RALGPS1: variants seen among roughly 807,000 people sequenced by gnomAD.
RALGPS1 encodes the protein ras-specific guanine nucleotide-releasing factor RalGPS1.
Under a neutral mutation model 78.8 loss-of-function variants are expected in RALGPS1, and 19 were observed. The observed-to-expected ratio is 0.24, with a 90% confidence interval of 0.17 to 0.35. The LOEUF is 0.35. Among genes scored for constraint, RALGPS1 ranks in the 10% least tolerant of loss-of-function variants. The probability of loss-of-function intolerance (pLI) is 1.00; values close to 1 mark genes in which losing one functional copy is unlikely to be tolerated. For missense variants in RALGPS1, 454 were observed against 688.3 expected (o/e 0.66, Z 3.81); for synonymous variants, 228 against 256.3 (o/e 0.89, Z 1.06).
intron 8 of RALGPS1, among the ~76,000 whole-genome samples, chr9:127,079,236 T>A (rs1357064791): frequency 6.6e-6 from 1 of 152,090 alleles, no homozygotes; most frequent in Non-Finnish European, 1.5e-5. Context: ...GTGGATTGAG[T>A]GGACACTGGT....
intron 7 of RALGPS1, among the ~76,000 whole-genome samples, chr9:127,062,997 A>AT (rs2049355439): frequency 6.6e-6 from 1 of 152,240 alleles, no homozygotes; most frequent in South Asian, 2.1e-4. Flanking sequence ...AATTCTTTGC[A>AT]TATCAACAGT....
At chr9:127,171,981 T>C (rs777148921) in intron 10 of RALGPS1, among the ~76,000 whole-genome samples, 1 of 152,220 alleles carries the variant, frequency 6.6e-6, no homozygotes, top group Admixed American at 6.5e-5. Context: ...AACATAAGCA[T>C]GTTCAGGAAT....
chr9:127,131,303 C>T (rs1224007644), intron 8 of RALGPS1, among the ~76,000 whole-genome samples: 4 of 152,220 alleles, frequency 2.6e-5, no homozygotes, highest in African/African-American at 9.7e-5. Context: ...CTAAAGGGCT[C>T]TCCTGTGAGT....
Position 127,212,096 on chromosome 9 carries a change from T to A in RALGPS1, c.1248-35T>A. On this transcript the variant is annotated intron_variant, in intron 14 of 18. Coordinates refer to ENST00000259351, the MANE Select transcript of RALGPS1 (RefSeq NM_014636.3). The surrounding 1 kb of genome is among the most constrained non-coding windows in gnomAD (Gnocchi z 6.0). ...TGAGAGGGTGCTTGACCTCAGCTCC[T>A]CCAGGGCGATGTCTGACTGGTAGTC... 1.3e-6 allele frequency: 2 copies of A among 1,565,964 alleles called. No homozygotes were observed. The highest frequency in any genetic ancestry group is 1.4e-5 in the African/African-American group (1 of 73,684).
chr9:126,978,034 G>T, intron 4 of RALGPS1: 1 of 274,002 alleles, frequency 3.6e-6, no homozygotes, highest in African/African-American at 2.2e-5. Context: ...CTTTTCCCAG[G>T]CTCCTCCTGC....
intron 3 of RALGPS1, among the ~76,000 whole-genome samples, chr9:126,974,534 T>TTC (rs939000622): frequency 1.1e-4 from 11 of 103,590 alleles, no homozygotes; most frequent in African/African-American, 1.6e-4. Flanking sequence ...TGCAAAAAAC[T>TTC]TTTTTTTTTC....
chr9:127,140,927 G>A (rs1211343104), intron 8 of RALGPS1, among the ~76,000 whole-genome samples: 1 of 152,204 alleles, frequency 6.6e-6, no homozygotes, highest in Non-Finnish European at 1.5e-5. Flanking sequence ...AAGGGGGCAG[G>A]GGCAGGCAGC....
chr9:127,059,156 C>A (rs748846280), intron 7 of RALGPS1, among the ~76,000 whole-genome samples: 15 of 152,170 alleles, frequency 9.9e-5, no homozygotes, highest in Non-Finnish European at 1.5e-4. Context: ...AGTTCAAAGT[C>A]TTTCATCCAG....
chr9:127,088,951 G>A (rs1195465010), intron 8 of RALGPS1: 4 of 1,614,228 alleles, frequency 2.5e-6, no homozygotes, highest in Admixed American at 3.3e-5. Context: ...AGTGGAAGGT[G>A]TTGGGGTTCG....
chr9:126,976,555 T>C (rs571545086), intron 3 of RALGPS1, among the ~76,000 whole-genome samples: 1 of 152,266 alleles, frequency 6.6e-6, no homozygotes, highest in South Asian at 2.1e-4. Context: ...TAGGGATTAT[T>C]GTCATCATTT....
chr9:127,022,972 C>T (rs1298050382), intron 4 of RALGPS1, among the ~76,000 whole-genome samples: 1 of 152,220 alleles, frequency 6.6e-6, no homozygotes, highest in Non-Finnish European at 1.5e-5. Context: ...TTTCCTAAAA[C>T]ATACTTTAAT....
chr9:127,210,589 G>A (rs1415510815), intron 14 of RALGPS1: 6 of 824,232 alleles, frequency 7.3e-6, no homozygotes, highest in South Asian at 3.2e-5. Context: ...GTTGCTCTGC[G>A]GGACTTCCTG....
intron 8 of RALGPS1, among the ~76,000 whole-genome samples, chr9:127,113,329 T>G (rs1206471548): frequency 3.3e-5 from 5 of 152,180 alleles, no homozygotes; most frequent in Non-Finnish European, 1.5e-5. Context: ...GGCTTCTCTT[T>G]GAGCCTCAGA....
chr9:127,091,967 T>G lies in RALGPS1; in HGVS notation c.610+22611T>G. 6.2e-7 allele frequency: 1 copy of G among 1,607,018 alleles called. No homozygotes were observed. Among genetic ancestry groups the G allele is most frequent in the Non-Finnish European group, 8.5e-7 (1 of 1,175,056 alleles). On this transcript the variant is annotated intron_variant, in intron 8 of 18. Coordinates refer to ENST00000259351, the MANE Select transcript of RALGPS1 (RefSeq NM_014636.3). The surrounding 1 kb of genome is among the most constrained non-coding windows in gnomAD (Gnocchi z 4.3). ...TGGGGAAAACCCAGGAGAGTGTTAA[T>G]GTGGAGCCTGCAGCACCTGCAGCCA...
In RALGPS1 at chr9:127,091,838, A is replaced by G; in HGVS notation, c.610+22482A>G. 1.2e-6 allele frequency: 2 copies of G among 1,614,192 alleles called. No individual in the cohort carries two copies. The highest frequency in any genetic ancestry group is 1.7e-6 in the Non-Finnish European group (2 of 1,180,038). On this transcript the variant is annotated intron_variant, in intron 8 of 18. Transcript: ENST00000259351. The surrounding 1 kb of genome is among the most constrained non-coding windows in gnomAD (Gnocchi z 4.3). ...TCTGCAAAGACTTTGCGGCCGGACC[A>G]GTCCTCCATGGTCACCAGGAGTTTG...
intron 8 of RALGPS1, among the ~76,000 whole-genome samples, chr9:127,127,560 G>A (rs939804204): frequency 2.0e-5 from 3 of 152,136 alleles, no homozygotes; most frequent in Non-Finnish European, 2.9e-5. Context: ...CAAGATCCCA[G>A]GTTGGTACAT....
At chr9:126,936,623 C>G (rs2131308635) in intron 1 of RALGPS1, among the ~76,000 whole-genome samples, 1 of 151,946 alleles carries the variant, frequency 6.6e-6, no homozygotes, top group African/African-American at 2.4e-5. Flanking sequence ...GCTGGTATCT[C>G]CAGACTATTA....
At chr9:126,923,367 C>T (rs1012916075) in intron 1 of RALGPS1, among the ~76,000 whole-genome samples, 6 of 152,186 alleles carry the variant, frequency 3.9e-5, no homozygotes, top group Admixed American at 3.9e-4. Context: ...AGTGCCTGTT[C>T]TCATGCTCCT....
rs1032568500 is a variant in RALGPS1, at chr9:127,212,350, T to C, written c.1353+114T>C. ...TGCATGGCAGAGGCTCTGCTTGCAGTGGGCATGCAGCGAGCTGAACTCTCA... is the reference window on the plus strand; with the variant it reads ...TGCATGGCAGAGGCTCTGCTTGCAGCGGGCATGCAGCGAGCTGAACTCTCA... On this transcript the variant is annotated intron_variant, in intron 15 of 18. Transcript: ENST00000259351. The surrounding 1 kb of genome is among the most constrained non-coding windows in gnomAD (Gnocchi z 6.0). 5.1e-6 allele frequency: 4 copies of C among 791,974 alleles called. No individual in the cohort carries two copies. The Admixed American group carries it at 1.2e-4, about 23-fold the overall frequency. 49.1% of individuals were successfully genotyped at this position (791,974 alleles called of 1,614,324 possible). A position where few individuals can be genotyped will look rare whatever the true frequency, so the allele number is the denominator to read the frequency against.
Sources: gnomAD v4.1 joint callset for allele counts (sites outside exome capture counted in the v4.1 genomes callset) on GRCh38, gnomAD v4.1.1 for gene constraint, Gnocchi (gnomAD v3.1) non-coding constraint, MANE v1.5 for transcripts, NCBI Gene and HGNC (gene_info 2026-07-23, HGNC 2026-07-21) for gene names.